The following DIAPH3 variants were observed in gnomAD, a reference collection of about 807,000 sequenced individuals.
DIAPH3 encodes the protein protein diaphanous homolog 3.
DIAPH3 carries 117 observed loss-of-function variants against 144.3 expected under a neutral mutation model. The observed-to-expected ratio is 0.81, with a 90% CI of 0.70 to 0.95. The LOEUF (loss-of-function observed/expected upper bound fraction) is 0.95. Ranked by LOEUF, DIAPH3 falls within the 40% of genes least tolerant of loss-of-function variation. The pLI, the probability that DIAPH3 is intolerant of heterozygous loss-of-function variation, is 0.00. For synonymous variants in DIAPH3, 519 were observed against 488.9 expected (o/e 1.06, Z -0.81); for missense variants, 1,421 against 1,412.7 (o/e 1.01, Z -0.09).
At chr13:59,702,761 C>A (rs2034181645) in intron 27 of DIAPH3, among the ~76,000 whole-genome samples, 1 of 152,196 alleles carries the variant, frequency 6.6e-6, no homozygotes, top group Non-Finnish European at 1.5e-5. Flanking sequence ...TTTATATGGT[C>A]TGGCCTCCTG....
At position 60,010,618 on chromosome 13, in the gene DIAPH3, T is replaced by C; in HGVS notation, c.823A>G (p.Lys275Glu). ...TTGGGGTGTCTGGGATCCACGGCTT[T>C]GGCCAATAAGGAAAGGCTCCTCTCC... ...SEERSLSLLA[K>E]AVDPRHPNMM... The change falls in exon 8 of 28, where the codon AAA (lysine) becomes GAA (glutamate). Residue 275 changes from lysine (K) to glutamate (E), a missense_variant. Coordinates refer to ENST00000400324, the MANE Select transcript of DIAPH3 (RefSeq NM_001042517.2). 1 of 1,613,910 alleles carries C rather than the reference T, an allele frequency of 6.2e-7. No homozygotes were observed. The highest frequency in any genetic ancestry group is 8.5e-7 in the Non-Finnish European group (1 of 1,179,878).
At chr13:59,896,508 T>C (rs998885564) in intron 20 of DIAPH3, among the ~76,000 whole-genome samples, 8 of 151,804 alleles carry the variant, frequency 5.3e-5, no homozygotes, top group Non-Finnish European at 1.2e-4. Context: ...AAGCATTATA[T>C]GATTTACAAA....
At chr13:59,935,603 C>A (rs1452947221) in intron 17 of DIAPH3, among the ~76,000 whole-genome samples, 1 of 151,992 alleles carries the variant, frequency 6.6e-6, no homozygotes, top group Non-Finnish European at 1.5e-5. Flanking sequence ...GGCAATAGAC[C>A]GTTGGGAAAA....
intron 4 of DIAPH3, among the ~76,000 whole-genome samples, chr13:60,077,941 T>A (rs1236002507): frequency 2.0e-5 from 3 of 152,104 alleles, no homozygotes; most frequent in Non-Finnish European, 4.4e-5. Context: ...TACAAGAGTC[T>A]TCTTAAGAAT....
intron 17 of DIAPH3, among the ~76,000 whole-genome samples, chr13:59,968,004 G>A (rs939093164): frequency 6.6e-6 from 1 of 152,174 alleles, no homozygotes; most frequent in Non-Finnish European, 1.5e-5. Context: ...CAGGCCAAAG[G>A]ACCAGCAGTA....
intron 9 of DIAPH3, among the ~76,000 whole-genome samples, chr13:59,997,163 T>C (rs1372331637): frequency 2.0e-5 from 3 of 152,018 alleles, no homozygotes; most frequent in Non-Finnish European, 4.4e-5. Context: ...CCTTCTACCA[T>C]ATGTTTGCAC....
At position 60,055,260 on chromosome 13, in the gene DIAPH3, T is replaced by C. The variant is rs1481332568; in HGVS notation, c.496-12440A>G. Among the ~76,000 whole-genome samples, 11 of 151,952 alleles carry C rather than the reference T, an allele frequency of 7.2e-5. No homozygotes were observed. The South Asian group carries it at 1.7e-3, about 23-fold the overall frequency. On this transcript the variant is annotated intron_variant, in intron 4 of 27. Transcript: ENST00000400324. Reference sequence around the variant, plus strand: ...TAATTTTAGACAATTAGAAATTAACTTGACATAGCAGAAGAAATTTGACAC... The same window carrying C: ...TAATTTTAGACAATTAGAAATTAACCTGACATAGCAGAAGAAATTTGACAC...
intron 21 of DIAPH3, among the ~76,000 whole-genome samples, chr13:59,873,176 C>T (rs950925262): frequency 5.9e-5 from 9 of 152,224 alleles, no homozygotes; most frequent in South Asian, 2.1e-4. Flanking sequence ...ATAAGAATGG[C>T]ATTTGTTATT....
chr13:59,825,280 A>G (rs986013270), intron 24 of DIAPH3, among the ~76,000 whole-genome samples: 28 of 151,964 alleles, frequency 1.8e-4, no homozygotes, highest in African/African-American at 6.5e-4. Flanking sequence ...GAGTGAGAAC[A>G]TATGGTGTTT....
intron 27 of DIAPH3, among the ~76,000 whole-genome samples, chr13:59,710,026 A>G (rs1272030808): frequency 6.6e-6 from 1 of 151,962 alleles, no homozygotes; most frequent in East Asian, 1.9e-4. Context: ...ATTCTCACTC[A>G]TAGGTGGGAA....
chr13:60,102,079 CTG>C (rs2058285057), intron 3 of DIAPH3, among the ~76,000 whole-genome samples: 2 of 152,042 alleles, frequency 1.3e-5, no homozygotes, highest in African/African-American at 2.4e-5. Context: ...ATTCCATTTT[CTG>C]CTGTTTTACC....
intron 21 of DIAPH3, among the ~76,000 whole-genome samples, chr13:59,875,252 C>T (rs773550551): frequency 1.3e-5 from 2 of 152,104 alleles, no homozygotes; most frequent in Non-Finnish European, 2.9e-5. Flanking sequence ...AAATGATATC[C>T]ATTTTTTATC....
chr13:59,725,524 T>C (rs958656510), intron 27 of DIAPH3, among the ~76,000 whole-genome samples: 2 of 152,226 alleles, frequency 1.3e-5, no homozygotes, highest in Non-Finnish European at 2.9e-5. Context: ...ATTTACATTC[T>C]ATTGCAAATA....
intron 24 of DIAPH3, among the ~76,000 whole-genome samples, chr13:59,812,662 C>T (rs1211626241): frequency 6.6e-6 from 1 of 152,024 alleles, no homozygotes; most frequent in African/African-American, 2.4e-5. Flanking sequence ...ACACATCAGG[C>T]AGAGGGAAGT....
intron 24 of DIAPH3, among the ~76,000 whole-genome samples, chr13:59,822,866 GGCC>G: frequency 6.6e-6 from 1 of 151,998 alleles, no homozygotes; most frequent in Non-Finnish European, 1.5e-5. Context: ...ATCTAGAAAA[GGCC>G]ACTGCATTTG....
intron 27 of DIAPH3, among the ~76,000 whole-genome samples, chr13:59,706,320 T>A (rs558539710): frequency 6.6e-6 from 1 of 152,248 alleles, no homozygotes; most frequent in East Asian, 1.9e-4. Context: ...CAACTGCACA[T>A]CTTTTACATC....
At chr13:60,051,481 G>A (rs762537266) in intron 4 of DIAPH3, among the ~76,000 whole-genome samples, 6 of 152,120 alleles carry the variant, frequency 3.9e-5, no homozygotes, top group Non-Finnish European at 5.9e-5. Flanking sequence ...TTAGCCAGGC[G>A]TGGTGGCACA....
chr13:59,802,644 ATAT>A (rs777931224), intron 25 of DIAPH3, among the ~76,000 whole-genome samples: 721 of 61,468 alleles, frequency 0.012, 62 homozygotes, highest in Middle Eastern at 0.056. Context: ...TTATTGATCT[ATAT>A]TATTATTATT....
chr13:60,091,066 C>T (rs1252403209), intron 4 of DIAPH3, among the ~76,000 whole-genome samples: 1 of 152,104 alleles, frequency 6.6e-6, no homozygotes, highest in Non-Finnish European at 1.5e-5. Context: ...AACTATCATG[C>T]CAAGGTTTTC....
Sources: allele counts gnomAD v4.1 joint callset (sites outside exome capture counted in the v4.1 genomes callset), GRCh38; gene constraint gnomAD v4.1.1; transcripts MANE v1.5; gene names NCBI Gene and HGNC (gene_info 2026-07-23, HGNC 2026-07-21).